Variants in MTRF1 observed in about 807,000 individuals in gnomAD.
The protein encoded by MTRF1 is peptide chain release factor 1, mitochondrial.
In MTRF1, 51 loss-of-function variants were observed where a neutral mutation model predicts 62.9. The observed-to-expected ratio is 0.81, with a 90% confidence interval of 0.65 to 1.02. The LOEUF is 1.02. MTRF1 is among the 50% of genes least tolerant of loss of function. The pLI is 0.00. For synonymous variants in MTRF1, 158 were observed against 181.9 expected (o/e 0.87, Z 1.06); for missense variants, 446 against 530.0 (o/e 0.84, Z 1.56).
At chr13:41,311,394 C>T in the MTRF1 span, 1 of 827,074 alleles carries the variant, frequency 1.2e-6, no homozygotes, top group Non-Finnish European at 1.9e-6. Context: ...CCAATTGCAA[C>T]TGTAGACCAA....
At chr13:41,253,107 AT>A (rs2039283989) in intron 3 of MTRF1, 77 bp from the exon 4 acceptor site, 1 of 1,101,538 alleles carries the variant, frequency 9.1e-7, no homozygotes, top group Non-Finnish European at 1.3e-6. Context: ...CCCGAAAAAC[AT>A]TGAAAAAAAT....
chr13:41,280,091 C>T, the MTRF1 span, among the ~76,000 whole-genome samples: 2 of 152,142 alleles, frequency 1.3e-5, no homozygotes, highest in Admixed American at 1.3e-4. Context: ...GCGTGTGACA[C>T]CATGCTTGTC....
intron 5 of MTRF1, among the ~76,000 whole-genome samples, chr13:41,251,983 G>A (rs986878406): frequency 1.3e-5 from 2 of 151,944 alleles, no homozygotes; most frequent in Non-Finnish European, 2.9e-5. Context: ...GGGTTCAAGC[G>A]ATTCTCCTGC....
At position 41,217,093 on chromosome 13, in the gene MTRF1, A is replaced by G. The variant is rs761373051; in HGVS notation, c.*22T>C. The G allele has an allele frequency of 7.2e-7, 1 of 1,391,814 alleles. No homozygotes were observed. The highest frequency in any genetic ancestry group is 1.4e-5 in the African/African-American group (1 of 69,926). The allele number at this position is 1,391,814 out of a possible 1,614,324, so 86.2% of individuals were successfully genotyped here. ...ATAGGTCCATTTCATTTATATAATC[A>G]TAAATAATAATAAGTTAGTATTTAT... is the stretch of plus-strand genomic sequence containing the variant. On this transcript the variant is annotated 3_prime_UTR_variant, in exon 10 of 10. Coordinates refer to ENST00000379480, the MANE Select transcript of MTRF1 (RefSeq NM_004294.4).
chr13:41,255,537 C>A (rs1217006326), intron 2 of MTRF1, among the ~76,000 whole-genome samples: 1 of 152,034 alleles, frequency 6.6e-6, no homozygotes, highest in Non-Finnish European at 1.5e-5. Flanking sequence ...ACTAAAAATG[C>A]AAAAATTATA....
At chr13:41,276,792 A>G in the MTRF1 span, among the ~76,000 whole-genome samples, 1 of 152,150 alleles carries the variant, frequency 6.6e-6, no homozygotes, top group African/African-American at 2.4e-5. Flanking sequence ...GTAGACATAA[A>G]TGATTGCCAG....
chr13:41,279,893 A>G, the MTRF1 span, among the ~76,000 whole-genome samples: 1 of 152,116 alleles, frequency 6.6e-6, no homozygotes, highest in African/African-American at 2.4e-5. Flanking sequence ...GAGGACTGGT[A>G]TCTGAGAGAT....
At chr13:41,297,592 C>A in the MTRF1 span, among the ~76,000 whole-genome samples, 3 of 137,544 alleles carry the variant, frequency 2.2e-5, no homozygotes, top group African/African-American at 8.1e-5. Flanking sequence ...TTTTTTTTTT[C>A]TGAGACCGGG....
intron 2 of MTRF1, chr13:41,257,696 G>C: frequency 2.6e-6 from 1 of 390,630 alleles, no homozygotes; most frequent in Non-Finnish European, 5.3e-6. Flanking sequence ...TACTTGGGAG[G>C]CTGAGGTTGG....
At chr13:41,303,327 G>A in the MTRF1 span, among the ~76,000 whole-genome samples, 1 of 152,128 alleles carries the variant, frequency 6.6e-6, no homozygotes, top group Non-Finnish European at 1.5e-5. Flanking sequence ...ACTTGAAACT[G>A]GAGAGAGATT....
chr13:41,239,516 G>A (rs907164941), intron 6 of MTRF1, among the ~76,000 whole-genome samples: 1 of 151,782 alleles, frequency 6.6e-6, no homozygotes, highest in African/African-American at 2.4e-5. Flanking sequence ...CTCAGGTGAA[G>A]GTTATAAAAT....
At chr13:41,229,680 G>C (rs1310720692) in intron 7 of MTRF1, 5 of 152,100 alleles carry the variant, frequency 3.3e-5, no homozygotes, top group Non-Finnish European at 5.9e-5. Flanking sequence ...TTCATCTTAA[G>C]CTAATTATTA....
At position 41,223,250 on chromosome 13, in the gene MTRF1, T is replaced by C. The variant is rs779227608; in HGVS notation, c.1224+6A>G. 5.6e-6 allele frequency: 9 copies of C among 1,595,768 alleles called. No individual in the cohort carries two copies. Among genetic ancestry groups the C allele is most frequent in the Middle Eastern group, 3.3e-4 (2 of 6,048 alleles). On this transcript the variant is annotated splice_donor_region_variant and intron_variant, in intron 9 of 9. Coordinates refer to ENST00000379480, the MANE Select transcript of MTRF1 (RefSeq NM_004294.4). The stretch of plus-strand genomic sequence containing the variant: ...AAGGTAGGCAAAGCATACTCAGTAG[T>C]ATTACCTTAATATCACGAACTTCAT...
intron 2 of MTRF1, among the ~76,000 whole-genome samples, chr13:41,257,456 C>T (rs2039879124): frequency 6.6e-6 from 1 of 152,186 alleles, no homozygotes; most frequent in African/African-American, 2.4e-5. Context: ...TTGAATCATC[C>T]ATCAAGCAGT....
At position 41,254,394 on chromosome 13, in the gene MTRF1, C is replaced by G. The variant is rs1593996234; in HGVS notation, c.507+135G>C. On this transcript the variant is annotated intron_variant, in intron 3 of 9. Transcript: ENST00000379480. The stretch of plus-strand genomic sequence containing the variant: ...TCATTCTGCAGCAAATTACAGGAGA[C>G]CAGCTTGATCACTTATCATAAGAGA... 3 of 460,018 alleles carry G rather than the reference C, an allele frequency of 6.5e-6. No homozygotes were observed. In the South Asian group the frequency reaches 2.1e-4, roughly 31 times the overall value. 28.5% of individuals were successfully genotyped at this position (460,018 alleles called of 1,614,324 possible).
At chr13:41,273,255 G>A in the MTRF1 span, among the ~76,000 whole-genome samples, 2 of 151,944 alleles carry the variant, frequency 1.3e-5, no homozygotes, top group African/African-American at 2.4e-5. Flanking sequence ...GAACCCGGGT[G>A]GCGGAGGTTG....
At chr13:41,260,044 C>T (rs903514993) in intron 2 of MTRF1, among the ~76,000 whole-genome samples, 1 of 152,188 alleles carries the variant, frequency 6.6e-6, no homozygotes, top group African/African-American at 2.4e-5. Context: ...CTTGAGACCA[C>T]GGGAAGTACC....
At chr13:41,259,871 A>G (rs2040232860) in intron 2 of MTRF1, among the ~76,000 whole-genome samples, 1 of 152,150 alleles carries the variant, frequency 6.6e-6, no homozygotes, top group South Asian at 2.1e-4. Flanking sequence ...AGCAGGTCTC[A>G]CATTATAAAC....
At position 41,223,353 on chromosome 13, in the gene MTRF1, A is replaced by G. The variant is rs1593574438; in HGVS notation, c.1127T>C (p.Val376Ala). The change falls in exon 9 of 10, where the codon GTG becomes GCG. Residue 376 changes from valine to alanine, a missense_variant and splice_region_variant. By Grantham distance (64) the Val-to-Ala change is moderately conservative. Coordinates refer to ENST00000379480, the MANE Select transcript of MTRF1 (RefSeq NM_004294.4). The stretch of plus-strand genomic sequence containing the variant: ...TCGCTCTGACTGGGCTCTTGTTCCC[A>G]CCTGTGCCATAACAAAAAGCAATTT... ...RQQQSARKLQ[V>A]GTRAQSERIR... The G allele has an allele frequency of 6.2e-7, 1 of 1,613,222 alleles. No individual in the cohort carries two copies. Among genetic ancestry groups the G allele is most frequent in the African/African-American group, 1.3e-5 (1 of 75,026 alleles).
Sources: allele counts gnomAD v4.1 joint callset (sites outside exome capture counted in the v4.1 genomes callset), GRCh38; gene constraint gnomAD v4.1.1; transcripts MANE v1.5; gene names NCBI Gene and HGNC (gene_info 2026-07-23, HGNC 2026-07-21).